BLOC1S3: variants seen among roughly 807,000 people sequenced by gnomAD.
BLOC1S3 encodes the protein biogenesis of lysosome-related organelles complex 1 subunit 3.
In BLOC1S3, 7 loss-of-function variants were observed where a neutral mutation model predicts 9.1. The ratio of observed to expected loss-of-function variants is 0.77; its 90% CI spans 0.44 to 1.45. The LOEUF is 1.45. Among genes scored for constraint, BLOC1S3 ranks in the 40% most tolerant of loss-of-function variants. BLOC1S3 has a pLI of 0.01. For missense variants in BLOC1S3, 307 were observed against 315.2 expected (o/e 0.97, Z 0.20); for synonymous variants, 145 against 158.4 (o/e 0.92, Z 0.64).
At chr19:45,205,429 T>G (rs1462454156) in intron 3 of BLOC1S3, among the ~76,000 whole-genome samples, 1 of 152,142 alleles carries the variant, frequency 6.6e-6, no homozygotes, top group Non-Finnish European at 1.5e-5. Flanking sequence ...CCTCCCAAAG[T>G]GCAGGGATTA....
chr19:45,184,901 A>G, downstream of BLOC1S3, among the ~76,000 whole-genome samples: 1 of 127,152 alleles, frequency 7.9e-6, no homozygotes. Flanking sequence ...CTCTGTCTCA[A>G]ACAAAAAAAA....
Position 45,208,553 on chromosome 19 carries a change from G to A in BLOC1S3, n.282+6046G>A, listed in dbSNP as rs143688500. Among the ~76,000 whole-genome samples the A allele has an allele frequency of 5.5e-3, 833 of 152,124 alleles. 15 individuals are homozygous for A. Among genetic ancestry groups the A allele is most frequent in the African/African-American group, 0.019 (770 of 41,528 alleles). ...GATCACCTGATGAGGTCAGGAGTTC[G>A]AGACCAGCCTGACCAACAGGGTGAA... On this transcript the variant is annotated intron_variant and non_coding_transcript_variant, in intron 3 of 3. Transcript: ENST00000591569.
chr19:45,195,343 A>C (rs1221725303), intron 2 of BLOC1S3, among the ~76,000 whole-genome samples: 1 of 151,940 alleles, frequency 6.6e-6, no homozygotes, highest in East Asian at 1.9e-4. Context: ...AGTAGCTGGG[A>C]CTACAGGTTC....
intron 2 of BLOC1S3, among the ~76,000 whole-genome samples, chr19:45,191,209 G>A (rs1464223922): frequency 2.0e-5 from 3 of 151,608 alleles, no homozygotes; most frequent in Admixed American, 6.6e-5. Flanking sequence ...CACAACCTCC[G>A]CCTCCCTGGT....
At chr19:45,195,057 G>C (rs1028254696) in intron 2 of BLOC1S3, among the ~76,000 whole-genome samples, 2 of 151,660 alleles carry the variant, frequency 1.3e-5, no homozygotes, top group Non-Finnish European at 2.9e-5. Context: ...CAGCCTCCCG[G>C]TAGATGGGAT....
chr19:45,195,599 C>CTCCT lies in BLOC1S3; in HGVS notation n.181-6794_181-6791dup, dbSNP rs1008908076. On this transcript the variant is annotated intron_variant and non_coding_transcript_variant, in intron 2 of 3. Transcript: ENST00000591569. ...CCTCCCTCCCTCTCTCCCTTCCTCCCTCCTTCCTTCCTTCCTCAGAGTTTC... is the reference window on the plus strand; with the variant it reads ...CCTCCCTCCCTCTCTCCCTTCCTCCCTCCTTCCTTCCTTCCTTCCTCAGAGTTTC... Among the ~76,000 whole-genome samples the CTCCT allele has an allele frequency of 1.8e-4, 26 of 146,932 alleles. No individual in the cohort carries two copies. The South Asian group carries it at 2.2e-3, about 13-fold the overall frequency.
chr19:45,199,510 T>A (rs1383775893), intron 2 of BLOC1S3, among the ~76,000 whole-genome samples: 1 of 151,766 alleles, frequency 6.6e-6, no homozygotes, highest in Admixed American at 6.6e-5. Flanking sequence ...GAGATGGGGT[T>A]TCACCATGTT....
chr19:45,209,329 A>G (rs760612159), intron 3 of BLOC1S3, among the ~76,000 whole-genome samples: 5 of 151,724 alleles, frequency 3.3e-5, no homozygotes, highest in African/African-American at 1.2e-4. Context: ...GATTACACGC[A>G]TAAGCCACTG....
chr19:45,195,366 C>T (rs868636797), intron 2 of BLOC1S3, among the ~76,000 whole-genome samples: 22 of 149,684 alleles, frequency 1.5e-4, no homozygotes, highest in Middle Eastern at 4.0e-3. Context: ...ACCACCATGC[C>T]CAGTTACTTT....
chr19:45,216,864 C>T (rs1969840738), exon 4 of BLOC1S3: 1 of 152,120 alleles, frequency 6.6e-6, no homozygotes, highest in Non-Finnish European at 1.5e-5. Context: ...GGACTCCGGG[C>T]TTGGAACTCC....
downstream of BLOC1S3, among the ~76,000 whole-genome samples, chr19:45,185,865 C>T (rs1002865155): frequency 2.6e-5 from 4 of 151,964 alleles, no homozygotes; most frequent in Non-Finnish European, 5.9e-5. Context: ...TAATCCCAGG[C>T]CTTTGGAGGC....
chr19:45,192,189 T>A (rs1038829726), intron 2 of BLOC1S3, among the ~76,000 whole-genome samples: 2 of 152,090 alleles, frequency 1.3e-5, no homozygotes, highest in African/African-American at 4.8e-5. Flanking sequence ...AGCCTCTCCC[T>A]GTGGCCACCA....
intron 2 of BLOC1S3, among the ~76,000 whole-genome samples, chr19:45,200,004 G>A (rs921586361): frequency 6.6e-6 from 1 of 151,928 alleles, no homozygotes; most frequent in Admixed American, 6.6e-5. Flanking sequence ...GACCTCAGGT[G>A]ATCCAACCAC....
Position 45,179,839 on chromosome 19 carries a change from C to T in BLOC1S3, c.543C>T (p.Arg181=), listed in dbSNP as rs540921310. 6.2e-7 allele frequency: 1 copy of T among 1,608,840 alleles called. No homozygotes were observed. Among genetic ancestry groups the T allele is most frequent in the African/African-American group, 1.3e-5 (1 of 74,368 alleles). ...AERLDIVAGC[R]LLPDIRGVPG... ...GTCTGGACATCGTGGCTGGCTGCCG[C>T]CTGCTGCCGGACATCCGCGGCGTGC... Residue 181 remains arginine (R), a synonymous_variant, in exon 2 of 2, where the codon CGC becomes CGT. Transcript: ENST00000433642. This position sits in a 1 kb window ranked among gnomAD's most constrained non-coding sequence, Gnocchi z 4.6.
At chr19:45,188,860 A>G (rs1177055739) in intron 2 of BLOC1S3, among the ~76,000 whole-genome samples, 1 of 128,824 alleles carries the variant, frequency 7.8e-6, no homozygotes, top group East Asian at 2.4e-4. Flanking sequence ...GCATGAGCCA[A>G]CACTCCCAGC....
In BLOC1S3 at chr19:45,213,302, G is replaced by A. The variant is rs763222027; in HGVS notation, n.283-3374G>A. On this transcript the variant is annotated intron_variant and non_coding_transcript_variant, in intron 3 of 3. Transcript: ENST00000591569. ...CGGGCCACGGCCAGGATCTCCTGGC[G>A]GGCGGCTGTGTTGCGCAGGCCACGG... 20 of 1,613,698 alleles carry A rather than the reference G, an allele frequency of 1.2e-5. No homozygotes were observed. Among genetic ancestry groups the A allele is most frequent in the South Asian group, 1.1e-4 (10 of 91,066 alleles).
intron 2 of BLOC1S3, among the ~76,000 whole-genome samples, chr19:45,189,652 C>A (rs375482725): frequency 5.6e-4 from 82 of 146,810 alleles, no homozygotes; most frequent in African/African-American, 1.9e-3. Context: ...TCCATGTTGG[C>A]CAGGCTGGTC....
downstream of BLOC1S3, among the ~76,000 whole-genome samples, chr19:45,185,087 G>T (rs1413813141): frequency 6.6e-6 from 1 of 151,970 alleles, no homozygotes; most frequent in Non-Finnish European, 1.5e-5. Flanking sequence ...CCAGACCATT[G>T]TCCTGCAGTA....
At position 45,180,035 on chromosome 19, in the gene BLOC1S3, T is replaced by C; in HGVS notation, c.*130T>C. 1 of 1,040,196 alleles carries C rather than the reference T, an allele frequency of 9.6e-7. No homozygotes were observed. Among genetic ancestry groups the C allele is most frequent in the Non-Finnish European group, 1.4e-6 (1 of 722,754 alleles). 64.4% of individuals were successfully genotyped at this position (1,040,196 alleles called of 1,614,324 possible). A position where few individuals can be genotyped will look rare whatever the true frequency, so the allele number is the denominator to read the frequency against. On this transcript the variant is annotated 3_prime_UTR_variant, in exon 2 of 2. Transcript: ENST00000433642. ...CCATCTTGGTGTCACCCATGGGGGC[T>C]AATCCGGTCCCCTTGGATAATGCTT...
Sources: gnomAD v4.1 joint callset for allele counts (sites outside exome capture counted in the v4.1 genomes callset) on GRCh38, gnomAD v4.1.1 for gene constraint, Gnocchi (gnomAD v3.1) non-coding constraint, MANE v1.5 for transcripts, NCBI Gene and HGNC (gene_info 2026-07-23, HGNC 2026-07-21) for gene names.